Variants in VIPR2 observed in about 807,000 individuals in gnomAD.
VIPR2 encodes vasoactive intestinal peptide receptor 2, also known as vasoactive intestinal polypeptide receptor 2.
In VIPR2, 48 loss-of-function variants were observed where a neutral mutation model predicts 58.0. That is an observed-to-expected ratio of 0.83 (90% confidence interval 0.66 to 1.05). The LOEUF (loss-of-function observed/expected upper bound fraction) is 1.05, where lower values mean the gene tolerates loss of function less well. Ranked by LOEUF, VIPR2 falls within the 50% of genes least tolerant of loss-of-function variation. VIPR2 has a pLI of 0.00. For missense variants in VIPR2, 534 were observed against 558.0 expected (o/e 0.96, Z 0.43); for synonymous variants, 243 against 235.2 (o/e 1.03, Z -0.30).
At chr7:159,126,535 G>C (rs1262406454) in intron 2 of VIPR2, among the ~76,000 whole-genome samples, 1 of 152,208 alleles carries the variant, frequency 6.6e-6, no homozygotes, top group Non-Finnish European at 1.5e-5. Flanking sequence ...CTAATAGAAG[G>C]AGCATGCCCT....
Position 159,126,599 on chromosome 7 carries a change from G to A in VIPR2, c.151+15847C>T, listed in dbSNP as rs369140165. Among the ~76,000 whole-genome samples the A allele has an allele frequency of 2.0e-4, 31 of 152,290 alleles. 1 individual carries two copies. The highest frequency in any genetic ancestry group is 5.5e-4 in the African/African-American group (23 of 41,560). On this transcript the variant is annotated intron_variant, in intron 2 of 12. Transcript: ENST00000262178. ...GTGCTCTTCTCAGGAGACAACAGGC[G>A]GAGGTGTGAGACGGCCACATGCTGG...
intron 4 of VIPR2, among the ~76,000 whole-genome samples, chr7:159,080,446 T>G (rs1214013533): frequency 6.6e-6 from 1 of 152,168 alleles, no homozygotes; most frequent in Non-Finnish European, 1.5e-5. Context: ...CTCAATAAAT[T>G]AGGTATTGAT....
intron 6 of VIPR2, among the ~76,000 whole-genome samples, chr7:159,040,074 C>A (rs1463448192): frequency 6.6e-6 from 1 of 152,178 alleles, no homozygotes; most frequent in African/African-American, 2.4e-5. Flanking sequence ...GGAACAAAAA[C>A]ATCTCTGCAT....
chr7:159,119,899 G>C (rs1166548283), intron 2 of VIPR2, among the ~76,000 whole-genome samples: 1 of 150,690 alleles, frequency 6.6e-6, no homozygotes, highest in Non-Finnish European at 1.5e-5. Flanking sequence ...AGAAACGCCT[G>C]TCCCCTTGAT....
intron 2 of VIPR2, among the ~76,000 whole-genome samples, chr7:159,119,957 T>G (rs866354041): frequency 3.6e-4 from 55 of 151,386 alleles, no homozygotes; most frequent in Admixed American, 1.8e-3. Flanking sequence ...GTCCCCTTGA[T>G]GCACAAAGCC....
rs75192880 is a variant in VIPR2 at position 159,098,434 on chromosome 7, A to C, written c.357+5323T>G. Among the ~76,000 whole-genome samples the C allele has an allele frequency of 6.6e-6, 1 of 152,150 alleles. No homozygotes were observed. Among genetic ancestry groups the C allele is most frequent in the African/African-American group, 2.4e-5 (1 of 41,442 alleles). On this transcript the variant is annotated intron_variant, in intron 4 of 12. Coordinates refer to ENST00000262178, the MANE Select transcript of VIPR2 (RefSeq NM_003382.5). This position sits in a 1 kb window ranked among gnomAD's most constrained non-coding sequence, Gnocchi z 5.2. ...AGACCTAAGACTCCCCCAGGCCTGA[A>C]AGCTGGTCTTGGCAGGAAGAGGACA...
At chr7:159,090,742 T>C (rs867953681) in intron 4 of VIPR2, among the ~76,000 whole-genome samples, 5,399 of 32,358 alleles carry the variant, frequency 0.17, no homozygotes, top group Middle Eastern at 0.3. Flanking sequence ...AGCACAGACA[T>C]GCTGGGACCA....
chr7:159,036,825 G>T lies in VIPR2; in HGVS notation c.675C>A (p.Leu225=), dbSNP rs765977202. ...ANFFWLLVEG[L]YLHTLLVAML... ...TGGCCACCAGGAGGGTGTGGAGGTA[G>T]AGCCCCTCCACCAGCAGCCAGAAGA... Residue 225 remains leucine (L), a synonymous_variant, in exon 7 of 13, where the codon CTC becomes CTA. Transcript: ENST00000262178. 8.1e-6 allele frequency: 13 copies of T among 1,613,870 alleles called. No individual in the cohort carries two copies. The African/African-American group carries it at 1.7e-4, about 22-fold the overall frequency.
At chr7:159,032,787 TAACA>T (rs1030857986) in intron 10 of VIPR2, among the ~76,000 whole-genome samples, 18 of 152,012 alleles carry the variant, frequency 1.2e-4, no homozygotes, top group Admixed American at 2.6e-4. Flanking sequence ...AAGTTCAATT[TAACA>T]AACACTCCCA....
intron 4 of VIPR2, among the ~76,000 whole-genome samples, chr7:159,063,749 T>C (rs1457290833): frequency 3.6e-4 from 13 of 35,668 alleles, no homozygotes; most frequent in African/African-American, 1.2e-3. Flanking sequence ...TGGCGGGATC[T>C]GGGGGACCTG....
At chr7:159,139,278 T>G (rs951699162) in intron 2 of VIPR2, among the ~76,000 whole-genome samples, 5 of 152,216 alleles carry the variant, frequency 3.3e-5, no homozygotes, top group Admixed American at 1.3e-4. Context: ...AGCCTCCTTT[T>G]GACACTGGGG....
rs1853754440 is a variant in VIPR2, at chr7:159,034,074, G to A, written c.971+139C>T. 6 of 762,272 alleles carry A rather than the reference G, an allele frequency of 7.9e-6. No homozygotes were observed. In the South Asian group the frequency reaches 1.1e-4, roughly 13 times the overall value. 47.2% of individuals were successfully genotyped at this position (762,272 alleles called of 1,614,324 possible). On this transcript the variant is annotated intron_variant, in intron 10 of 12. Coordinates refer to ENST00000262178, the MANE Select transcript of VIPR2 (RefSeq NM_003382.5). ...TCTCTGAGCCTTGGGCAGGAGCAGA[G>A]CCCTGGGGCCCAGCCTCGAGGTGTG...
intron 4 of VIPR2, among the ~76,000 whole-genome samples, chr7:159,079,788 A>T (rs979181227): frequency 1.3e-5 from 2 of 152,240 alleles, no homozygotes; most frequent in African/African-American, 4.8e-5. Context: ...AGGGGCTATC[A>T]CCACCAATCC....
intron 4 of VIPR2, among the ~76,000 whole-genome samples, chr7:159,100,422 C>A (rs116836208): frequency 0.013 from 1,993 of 151,974 alleles, 37 homozygotes; most frequent in African/African-American, 0.045. Flanking sequence ...CCAATGCCAG[C>A]CAGCACCACC....
rs1854432133 is a variant in VIPR2, at chr7:159,042,890, C to T, written c.597+145G>A. 3 of 1,190,052 alleles carry T rather than the reference C, an allele frequency of 2.5e-6. No homozygotes were observed. The East Asian group carries it at 8.2e-5, about 33-fold the overall frequency. 73.7% of individuals were successfully genotyped at this position (1,190,052 alleles called of 1,614,324 possible). On this transcript the variant is annotated intron_variant, in intron 6 of 12. Transcript: ENST00000262178. Reference sequence around the variant, plus strand: ...CAACTGGGCCTGTTCTGGCCCCAGCCTCTCTGCCAGGCTCTCTGTTTCTCA... The same window carrying T: ...CAACTGGGCCTGTTCTGGCCCCAGCTTCTCTGCCAGGCTCTCTGTTTCTCA...
intron 4 of VIPR2, among the ~76,000 whole-genome samples, chr7:159,078,358 G>A (rs1464269677): frequency 3.9e-5 from 6 of 152,130 alleles, no homozygotes; most frequent in Non-Finnish European, 8.8e-5. Flanking sequence ...AATTTAGGAG[G>A]AAGCTTTCCT....
intron 5 of VIPR2, among the ~76,000 whole-genome samples, chr7:159,052,025 A>G (rs1585368232): frequency 6.6e-6 from 1 of 152,236 alleles, no homozygotes; most frequent in Non-Finnish European, 1.5e-5. Flanking sequence ...TGACCTATGT[A>G]GCACATAACC....
chr7:159,046,083 T>C (rs1854633784), intron 5 of VIPR2, among the ~76,000 whole-genome samples: 1 of 152,090 alleles, frequency 6.6e-6, no homozygotes, highest in South Asian at 2.1e-4. Flanking sequence ...TAAAAAGTAT[T>C]GGATGGGTGT....
chr7:159,090,566 C>T (rs1857431392), intron 4 of VIPR2, among the ~76,000 whole-genome samples: 1 of 122,048 alleles, frequency 8.2e-6, no homozygotes, highest in South Asian at 2.8e-4. Flanking sequence ...CAGGGGCCAC[C>T]TCTTGTGACC....
Sources: gnomAD v4.1 joint callset for allele counts (sites outside exome capture counted in the v4.1 genomes callset) on GRCh38, gnomAD v4.1.1 for gene constraint, Gnocchi (gnomAD v3.1) non-coding constraint, MANE v1.5 for transcripts, NCBI Gene and HGNC (gene_info 2026-07-23, HGNC 2026-07-21) for gene names.